CSMD3: variants seen among roughly 807,000 people sequenced by gnomAD.
The protein encoded by CSMD3 is CUB and sushi domain-containing protein 3.
In CSMD3, 177 loss-of-function variants were observed where a neutral mutation model predicts 435.2. The observed-to-expected ratio is 0.41, with a 90% confidence interval of 0.36 to 0.46. CSMD3 has a LOEUF of 0.46. Ranked by LOEUF, CSMD3 falls within the 20% of genes least tolerant of loss-of-function variation. The pLI is 0.34. For synonymous variants in CSMD3, 1,656 were observed against 1,520.5 expected, an observed-to-expected ratio of 1.09 and a Z score of -2.07; for missense variants, 4,265 against 4,504.6, an observed-to-expected ratio of 0.95 and a Z score of 1.52.
At chr8:112,248,225 C>T (rs1814939564) in intron 63 of CSMD3, among the ~76,000 whole-genome samples, 1 of 151,858 alleles carries the variant, frequency 6.6e-6, no homozygotes, top group Non-Finnish European at 1.5e-5. Context: ...ATTTATACTC[C>T]ACTCCACCCC....
chr8:112,776,819 G>C (rs2078258344), intron 13 of CSMD3, among the ~76,000 whole-genome samples: 1 of 151,670 alleles, frequency 6.6e-6, no homozygotes. Flanking sequence ...GGCTGTTTGA[G>C]AAACACATCC....
chr8:113,180,293 TA>T (rs1183378904), intron 3 of CSMD3, among the ~76,000 whole-genome samples: 2 of 152,030 alleles, frequency 1.3e-5, no homozygotes, highest in Non-Finnish European at 2.9e-5. Context: ...TTTTTAGTGA[TA>T]CAAAATGTTC....
At chr8:113,142,700 G>A (rs1330098585) in intron 4 of CSMD3, among the ~76,000 whole-genome samples, 1 of 150,658 alleles carries the variant, frequency 6.6e-6, no homozygotes, top group South Asian at 2.1e-4. Flanking sequence ...GAGTAACTAC[G>A]GTCAACAATA....
intron 24 of CSMD3, among the ~76,000 whole-genome samples, chr8:112,559,150 C>T (rs1428840842): frequency 6.6e-6 from 1 of 151,820 alleles, no homozygotes; most frequent in Non-Finnish European, 1.5e-5. Context: ...TAATTTACAA[C>T]TGTATGAATA....
chr8:113,157,883 T>C (rs2091963430), intron 4 of CSMD3, among the ~76,000 whole-genome samples: 1 of 152,116 alleles, frequency 6.6e-6, no homozygotes, highest in African/African-American at 2.4e-5. Flanking sequence ...GTTACAATGC[T>C]AAATAAAGCA....
intron 35 of CSMD3, among the ~76,000 whole-genome samples, chr8:112,403,143 C>G (rs971571667): frequency 6.6e-6 from 1 of 152,042 alleles, no homozygotes; most frequent in Admixed American, 6.6e-5. Flanking sequence ...CAATTCTGCA[C>G]AATAAATGAG....
At chr8:112,463,991 C>T (rs1468158677) in intron 32 of CSMD3, among the ~76,000 whole-genome samples, 1 of 152,120 alleles carries the variant, frequency 6.6e-6, no homozygotes, top group Non-Finnish European at 1.5e-5. Context: ...AATCCCAGCA[C>T]TTTGGGAGGC....
At chr8:113,412,790 T>C (rs2094565126) in intron 1 of CSMD3, among the ~76,000 whole-genome samples, 2 of 150,408 alleles carry the variant, frequency 1.3e-5, no homozygotes, top group South Asian at 4.3e-4. Context: ...TACCCCAATC[T>C]AGAAGACAAT....
At chr8:112,800,121 G>T in intron 13 of CSMD3, 41 bp downstream of exon 13, 1 of 1,254,834 alleles carries the variant, frequency 8.0e-7, no homozygotes, top group Non-Finnish European at 1.2e-6. Context: ...ATTCTCTGGT[G>T]GTATTAAGAT....
At chr8:113,220,063 T>C (rs1421692716) in intron 3 of CSMD3, among the ~76,000 whole-genome samples, 4 of 151,492 alleles carry the variant, frequency 2.6e-5, no homozygotes, top group Admixed American at 6.6e-5. Context: ...AATTTGACTG[T>C]ACTGAGATGC....
At chr8:112,274,034 T>A (rs774647917) in intron 59 of CSMD3, among the ~76,000 whole-genome samples, 1 of 151,808 alleles carries the variant, frequency 6.6e-6, no homozygotes, top group Non-Finnish European at 1.5e-5. Context: ...ATGTTTCACA[T>A]GAACTGATAC....
chr8:113,038,603 G>T (rs2087461810), intron 5 of CSMD3, among the ~76,000 whole-genome samples: 1 of 152,132 alleles, frequency 6.6e-6, no homozygotes. Context: ...CTCAGTGAGG[G>T]GAAAATATTG....
intron 13 of CSMD3, among the ~76,000 whole-genome samples, chr8:112,753,683 T>C (rs1031225514): frequency 2.6e-5 from 4 of 152,212 alleles, no homozygotes; most frequent in Admixed American, 1.3e-4. Context: ...ATATAGAGTG[T>C]GAGCAGAACT....
chr8:112,430,640 A>C (rs1813562488), intron 32 of CSMD3, among the ~76,000 whole-genome samples: 1 of 152,088 alleles, frequency 6.6e-6, no homozygotes, highest in Non-Finnish European at 1.5e-5. Context: ...GAAGGTAAAT[A>C]TATTAAGAGG....
At chr8:113,234,186 T>A (rs921769470) in intron 3 of CSMD3, among the ~76,000 whole-genome samples, 3 of 152,116 alleles carry the variant, frequency 2.0e-5, no homozygotes, top group African/African-American at 7.2e-5. Flanking sequence ...TCCAATATTA[T>A]CCACCCCTCA....
chr8:113,018,163 T>C, intron 6 of CSMD3, among the ~76,000 whole-genome samples: 1 of 152,050 alleles, frequency 6.6e-6, no homozygotes. Context: ...GTTGCAGTTT[T>C]TGAGAGAAAT....
intron 35 of CSMD3, among the ~76,000 whole-genome samples, chr8:112,394,304 A>T (rs1830691546): frequency 6.6e-6 from 1 of 152,074 alleles, no homozygotes; most frequent in African/African-American, 2.4e-5. Context: ...TATCCAAATC[A>T]CACTACTTTT....
intron 63 of CSMD3, among the ~76,000 whole-genome samples, chr8:112,250,639 T>A (rs1232519379): frequency 3.3e-5 from 5 of 151,708 alleles, no homozygotes; most frequent in African/African-American, 1.2e-4. Flanking sequence ...TCTAAAAATT[T>A]ATATTATCAA....
At chr8:113,304,776 AG>A (rs2093804213) in intron 2 of CSMD3, among the ~76,000 whole-genome samples, 1 of 70,780 alleles carries the variant, frequency 1.4e-5, no homozygotes, top group Non-Finnish European at 2.6e-5. Flanking sequence ...GGGTCGGGGG[AG>A]GGGGGAGGGA....
Sources: allele counts gnomAD v4.1 joint callset (sites outside exome capture counted in the v4.1 genomes callset), GRCh38; gene constraint gnomAD v4.1.1; transcripts MANE v1.5; gene names NCBI Gene and HGNC (gene_info 2026-07-23, HGNC 2026-07-21).